The following DOCK2 variants were observed in gnomAD, a reference collection of about 807,000 sequenced individuals.
The protein encoded by DOCK2 is dedicator of cytokinesis 2, also known as dedicator of cytokinesis protein 2.
Under a neutral mutation model 248.9 loss-of-function variants are expected in DOCK2, and 87 were observed. That is an observed-to-expected ratio of 0.35 (90% CI 0.29 to 0.42). The LOEUF (loss-of-function observed/expected upper bound fraction) is 0.42, where lower values mean the gene tolerates loss of function less well. Ranked by LOEUF, DOCK2 falls within the 10% of genes least tolerant of loss-of-function variation. The pLI is 1.00. For missense variants in DOCK2, 1,747 were observed against 2,300.2 expected, an observed-to-expected ratio of 0.76 and a Z score of 4.92; for synonymous variants, 805 against 821.6, an observed-to-expected ratio of 0.98 and a Z score of 0.35.
At chr5:170,057,787 G>A in intron 44 of DOCK2, 121 bp downstream of exon 44, 1 of 844,298 alleles carries the variant, frequency 1.2e-6, no homozygotes, top group Non-Finnish European at 1.8e-6. Flanking sequence ...TGCTGTGTGA[G>A]TCCCAGAATT....
At chr5:169,651,034 A>G (rs1312220819) in intron 1 of DOCK2, among the ~76,000 whole-genome samples, 4 of 152,130 alleles carry the variant, frequency 2.6e-5, no homozygotes, top group African/African-American at 9.7e-5. Flanking sequence ...TGCCTTTTTC[A>G]TCCCTTGTTC....
intron 27 of DOCK2, among the ~76,000 whole-genome samples, chr5:169,913,375 A>T (rs10516069): frequency 0.082 from 12,472 of 152,090 alleles, 659 homozygotes; most frequent in East Asian, 0.17. Context: ...GCTCCCTAGA[A>T]CCTGTTTATA....
At position 169,979,099 on chromosome 5, in the gene DOCK2, C is replaced by T. The variant is rs1314951583; in HGVS notation, c.2800-3969C>T. On this transcript the variant is annotated intron_variant, in intron 27 of 51. Transcript: ENST00000520908. ...ATATGTCGATTACAGAATTTCTGCC[C>T]GGGATGAAAAGAGGGGGATTCTTGC... Among the ~76,000 whole-genome samples, 6 of 152,086 alleles carry T rather than the reference C, an allele frequency of 3.9e-5. No homozygotes were observed. In the East Asian group the frequency reaches 5.8e-4, roughly 15 times the overall value.
chr5:169,743,299 T>C (rs1763425831), intron 22 of DOCK2, among the ~76,000 whole-genome samples: 2 of 152,208 alleles, frequency 1.3e-5, no homozygotes, highest in South Asian at 4.1e-4. Context: ...AGCTGGGCAT[T>C]GGTGGCTTGT....
chr5:169,687,210 G>A (rs1760035083), intron 8 of DOCK2, among the ~76,000 whole-genome samples: 1 of 152,122 alleles, frequency 6.6e-6, no homozygotes, highest in South Asian at 2.1e-4. Flanking sequence ...AATTACCAAT[G>A]AGAAAGCATT....
At position 169,957,401 on chromosome 5, in the gene DOCK2, G is replaced by A. The variant is rs1581470503; in HGVS notation, c.2800-25667G>A. 2.0e-5 allele frequency among the ~76,000 whole-genome samples: 3 copies of A among 152,290 alleles called. No homozygotes were observed. In the East Asian group the frequency reaches 5.8e-4, roughly 29 times the overall value. ...TTAGCACATTGTTTAGAACGTAATA[G>A]GCACTCAACCAATGTTAGCTTAGTA... On this transcript the variant is annotated intron_variant, in intron 27 of 51. Transcript: ENST00000520908.
At chr5:169,864,834 A>G (rs932902747) in intron 27 of DOCK2, among the ~76,000 whole-genome samples, 5 of 152,210 alleles carry the variant, frequency 3.3e-5, no homozygotes, top group African/African-American at 1.2e-4. Context: ...AACAGACAAG[A>G]AAACTGACAG....
At chr5:170,046,505 C>T (rs901857658) in intron 39 of DOCK2, among the ~76,000 whole-genome samples, 3 of 152,194 alleles carry the variant, frequency 2.0e-5, no homozygotes, top group African/African-American at 7.2e-5. Flanking sequence ...AGCAGCAGGA[C>T]CCCAGGGACC....
chr5:170,037,838 G>T (rs980945003), intron 36 of DOCK2, among the ~76,000 whole-genome samples: 1 of 152,150 alleles, frequency 6.6e-6, no homozygotes, highest in Non-Finnish European at 1.5e-5. Context: ...TATGAGGCTG[G>T]AGCCCTTGAG....
intron 27 of DOCK2, among the ~76,000 whole-genome samples, chr5:169,916,904 G>A (rs1045809943): frequency 1.3e-5 from 2 of 152,170 alleles, no homozygotes; most frequent in Non-Finnish European, 2.9e-5. Flanking sequence ...GCAAGCAACA[G>A]TCTCTGGAAC....
intron 45 of DOCK2, among the ~76,000 whole-genome samples, chr5:170,068,493 G>A (rs1403518022): frequency 6.6e-6 from 1 of 152,128 alleles, no homozygotes; most frequent in Non-Finnish European, 1.5e-5. Flanking sequence ...ATAATTTGGG[G>A]ACAATAATTC....
intron 29 of DOCK2, among the ~76,000 whole-genome samples, chr5:169,993,226 C>A (rs986664841): frequency 6.6e-6 from 1 of 152,168 alleles, no homozygotes; most frequent in Admixed American, 6.5e-5. Flanking sequence ...AACAGACTAA[C>A]AAAACCAAAG....
rs115290850 is a variant in DOCK2, at chr5:169,777,303, C to T, written c.2554+15678C>T. Among the ~76,000 whole-genome samples, 274 of 152,284 alleles carry T rather than the reference C, an allele frequency of 1.8e-3. 1 individual carries two copies. The highest frequency in any genetic ancestry group is 6.4e-3 in the African/African-American group (264 of 41,560). ...GAGGGACATGTTTTCACAACTCCGC[C>T]GTTATCCTTGATGGCAGGGGGTGTG... On this transcript the variant is annotated intron_variant, in intron 25 of 51. Coordinates refer to ENST00000520908, the MANE Select transcript of DOCK2 (RefSeq NM_004946.3).
intron 43 of DOCK2, chr5:170,057,122 A>G (rs1757159137): frequency 2.8e-6 from 1 of 353,938 alleles, no homozygotes; most frequent in Non-Finnish European, 5.3e-6. Flanking sequence ...TGTAGTCATC[A>G]CTGTCCCCTG....
chr5:169,801,161 T>G (rs1318477012), intron 25 of DOCK2, among the ~76,000 whole-genome samples: 26,231 of 126,300 alleles, frequency 0.21, 4,855 homozygotes, highest in African/African-American at 0.48. Context: ...TTTTTTTTTT[T>G]TTTTTTTTTT....
At chr5:169,897,478 C>T (rs781512613) in intron 27 of DOCK2, among the ~76,000 whole-genome samples, 6 of 152,030 alleles carry the variant, frequency 3.9e-5, no homozygotes, top group African/African-American at 9.7e-5. Context: ...TGTGAGCCAC[C>T]GTACTCGGCC....
intron 27 of DOCK2, among the ~76,000 whole-genome samples, chr5:169,859,203 G>A (rs543104478): frequency 3.5e-4 from 53 of 152,230 alleles, no homozygotes; most frequent in Admixed American, 1.5e-3. Context: ...TGTTGCCAAC[G>A]GATGCATCCC....
intron 26 of DOCK2, among the ~76,000 whole-genome samples, chr5:169,809,358 G>A (rs1210306281): frequency 6.6e-6 from 1 of 152,202 alleles, no homozygotes; most frequent in East Asian, 1.9e-4. Context: ...TTAGTGCAGT[G>A]TCTCTTGCTT....
Position 169,714,382 on chromosome 5 carries a change from G to A in DOCK2, c.1866G>A (p.Lys622=). The change falls in exon 19 of 52, where the codon AAG becomes AAA. Residue 622 remains lysine, a synonymous_variant. Coordinates refer to ENST00000520908, the MANE Select transcript of DOCK2 (RefSeq NM_004946.3). ...TQNVGLLGLL[K]WRMKPQLLQE... The stretch of plus-strand genomic sequence containing the variant: ...TAGTGGGCTTGCTGGGTTTGCTGAA[G>A]TGGCGTATGAAGCCTCAACTGCTAC... 4 of 1,614,128 alleles carry A rather than the reference G, an allele frequency of 2.5e-6. No individual in the cohort carries two copies. Among genetic ancestry groups the A allele is most frequent in the South Asian group, 2.2e-5 (2 of 91,080 alleles).
Sources: gnomAD v4.1 joint callset for allele counts (sites outside exome capture counted in the v4.1 genomes callset) on GRCh38, gnomAD v4.1.1 for gene constraint, MANE v1.5 for transcripts, NCBI Gene and HGNC (gene_info 2026-07-23, HGNC 2026-07-21) for gene names.